Variants in CSMD1 observed in about 807,000 individuals in gnomAD.
The protein encoded by CSMD1 is CUB and Sushi multiple domains 1, also known as CUB and sushi domain-containing protein 1.
Under a neutral mutation model 417.5 loss-of-function variants are expected in CSMD1, and 213 were observed. The ratio of observed to expected loss-of-function variants is 0.51; its 90% CI spans 0.46 to 0.57. CSMD1 has a LOEUF of 0.57. Among genes scored for constraint, CSMD1 ranks in the 20% least tolerant of loss-of-function variants. The pLI is 0.00. For synonymous variants in CSMD1, 2,862 were observed against 1,736.8 expected, an observed-to-expected ratio of 1.65 and a Z score of -16.11; for missense variants, 6,923 against 4,529.7, an observed-to-expected ratio of 1.53 and a Z score of -15.17.
intron 26 of CSMD1, among the ~76,000 whole-genome samples, chr8:3,261,002 A>G (rs949130294): frequency 7.0e-6 from 1 of 141,890 alleles, no homozygotes; most frequent in Non-Finnish European, 1.5e-5. Context: ...AACAACAACA[A>G]CAAACAAATA....
At chr8:3,742,739 GA>G (rs1327463344) in intron 6 of CSMD1, among the ~76,000 whole-genome samples, 2 of 150,814 alleles carry the variant, frequency 1.3e-5, no homozygotes, top group Middle Eastern at 3.4e-3. Flanking sequence ...AGAGAGAGAA[GA>G]AAAAAAACAA....
intron 32 of CSMD1, among the ~76,000 whole-genome samples, chr8:3,201,366 T>C (rs1796983224): frequency 6.6e-6 from 1 of 152,162 alleles, no homozygotes; most frequent in Non-Finnish European, 1.5e-5. Flanking sequence ...CTTTGCACCT[T>C]TTACTGAGAT....
intron 3 of CSMD1, among the ~76,000 whole-genome samples, chr8:4,167,140 A>C (rs1380244895): frequency 6.6e-6 from 1 of 152,216 alleles, no homozygotes; most frequent in African/African-American, 2.4e-5. Context: ...TACTTAGGTG[A>C]CATTTTTTTT....
chr8:4,109,478 T>C (rs1014483164), intron 3 of CSMD1, among the ~76,000 whole-genome samples: 19 of 152,184 alleles, frequency 1.2e-4, no homozygotes, highest in African/African-American at 4.1e-4. Context: ...AACCCTACTT[T>C]ACAATCCCAT....
intron 1 of CSMD1, among the ~76,000 whole-genome samples, chr8:4,706,437 C>T (rs1488574295): frequency 1.3e-5 from 2 of 152,072 alleles, no homozygotes; most frequent in Non-Finnish European, 2.9e-5. Flanking sequence ...ATGATATGAC[C>T]AATGAGCTCA....
chr8:4,960,172 A>G (rs577171609), intron 1 of CSMD1, among the ~76,000 whole-genome samples: 3 of 152,204 alleles, frequency 2.0e-5, no homozygotes, highest in East Asian at 1.9e-4. Flanking sequence ...CTCTTTTTCA[A>G]TATTTCTAAA....
At chr8:4,459,214 A>C (rs1178109601) in intron 2 of CSMD1, among the ~76,000 whole-genome samples, 1 of 152,170 alleles carries the variant, frequency 6.6e-6, no homozygotes, top group Non-Finnish European at 1.5e-5. Flanking sequence ...TTCAAGTTCC[A>C]CCTATGTAGG....
At chr8:3,532,049 C>T (rs370248842) in intron 10 of CSMD1, among the ~76,000 whole-genome samples, 92 of 152,340 alleles carry the variant, frequency 6.0e-4, no homozygotes, top group African/African-American at 2.1e-3. Context: ...CTGTCTAGAT[C>T]AGATACTGCC....
intron 40 of CSMD1, among the ~76,000 whole-genome samples, chr8:3,150,058 C>T (rs541085002): frequency 1.0e-3 from 159 of 152,272 alleles, no homozygotes; most frequent in African/African-American, 1.6e-3. Context: ...AGGGCAAGGA[C>T]GATGGGCCCA....
At chr8:4,259,180 C>A (rs754007733) in intron 3 of CSMD1, among the ~76,000 whole-genome samples, 1 of 152,186 alleles carries the variant, frequency 6.6e-6, no homozygotes, top group Non-Finnish European at 1.5e-5. Context: ...GGGCCATGCA[C>A]TCTAGAAGTC....
chr8:4,058,127 C>T (rs995548542), intron 3 of CSMD1, among the ~76,000 whole-genome samples: 3 of 152,126 alleles, frequency 2.0e-5, no homozygotes, highest in African/African-American at 7.2e-5. Context: ...CCTTGGGCAG[C>T]ATGGCCATTT....
At chr8:3,761,840 C>A (rs983591873) in intron 5 of CSMD1, among the ~76,000 whole-genome samples, 5 of 152,014 alleles carry the variant, frequency 3.3e-5, no homozygotes, top group African/African-American at 1.2e-4. Context: ...TTTCTTCCAC[C>A]CGGAGCGGCA....
intron 1 of CSMD1, among the ~76,000 whole-genome samples, chr8:4,900,621 C>T (rs1285279871): frequency 6.6e-6 from 1 of 152,150 alleles, no homozygotes; most frequent in Non-Finnish European, 1.5e-5. Flanking sequence ...AGATTCGTGC[C>T]CCTAGGCTGT....
chr8:3,988,072 G>T (rs1171892321), intron 5 of CSMD1, among the ~76,000 whole-genome samples: 1 of 152,174 alleles, frequency 6.6e-6, no homozygotes, highest in Admixed American at 6.5e-5. Context: ...TAAAAACATA[G>T]GGAAGCTGTT....
intron 1 of CSMD1, among the ~76,000 whole-genome samples, chr8:4,969,509 C>T (rs1810104537): frequency 6.6e-6 from 1 of 151,370 alleles, no homozygotes; most frequent in South Asian, 2.1e-4. Context: ...ATCCATTCCT[C>T]CACCCAAGTA....
At chr8:4,692,691 GA>G (rs1806846807) in intron 1 of CSMD1, among the ~76,000 whole-genome samples, 2 of 152,156 alleles carry the variant, frequency 1.3e-5, no homozygotes, top group African/African-American at 4.8e-5. Context: ...TTTTATAACT[GA>G]AAAGTCCTGC....
intron 3 of CSMD1, among the ~76,000 whole-genome samples, chr8:4,330,251 T>C (rs927794752): frequency 1.6e-5 from 2 of 122,050 alleles, no homozygotes; most frequent in Admixed American, 9.1e-5. Context: ...TCAGATCCAG[T>C]AGGACTCTGT....
At chr8:3,826,964 T>C (rs969671441) in intron 5 of CSMD1, among the ~76,000 whole-genome samples, 3 of 152,020 alleles carry the variant, frequency 2.0e-5, no homozygotes, top group Non-Finnish European at 4.4e-5. Flanking sequence ...ATATAATTTA[T>C]AGAGACAGAG....
chr8:3,320,733 C>G (rs918798590), intron 23 of CSMD1, among the ~76,000 whole-genome samples: 3 of 152,180 alleles, frequency 2.0e-5, no homozygotes, highest in African/African-American at 7.2e-5. Flanking sequence ...TGCCATCCAT[C>G]AGCCTAACTG....
Sources: allele counts gnomAD v4.1 joint callset (sites outside exome capture counted in the v4.1 genomes callset), GRCh38; gene constraint gnomAD v4.1.1; transcripts MANE v1.5; gene names NCBI Gene and HGNC (gene_info 2026-07-23, HGNC 2026-07-21).